UGT1A8: variants seen among roughly 807,000 people sequenced by gnomAD.
UGT1A8 encodes the protein UDP-glucuronosyltransferase 1A8.
UGT1A8 carries 39 observed loss-of-function variants against 45.3 expected under a neutral mutation model. The ratio of observed to expected loss-of-function variants is 0.86; its 90% CI spans 0.67 to 1.12. UGT1A8 has a LOEUF of 1.12. Among genes scored for constraint, UGT1A8 ranks in the 50% most tolerant of loss-of-function variants. The pLI is 0.00. For synonymous variants in UGT1A8, 275 were observed against 249.2 expected, an observed-to-expected ratio of 1.10 and a Z score of -0.97; for missense variants, 719 against 664.9, an observed-to-expected ratio of 1.08 and a Z score of -0.90.
chr2:233,655,993 G>A (rs1301133293), intron 1 of UGT1A8, among the ~76,000 whole-genome samples: 1 of 152,062 alleles, frequency 6.6e-6, no homozygotes, highest in Non-Finnish European at 1.5e-5. Context: ...CCTTCAAGGT[G>A]GCCATCTAGC....
At chr2:233,719,218 A>C (rs1197156994) in intron 1 of UGT1A8, 2 of 1,614,132 alleles carry the variant, frequency 1.2e-6, no homozygotes, top group Non-Finnish European at 1.7e-6. Context: ...GAGCTACTGC[A>C]TAATGAGGCC....
chr2:233,769,809 C>A lies in UGT1A8; in HGVS notation c.1295+1370C>A. On this transcript the variant is annotated intron_variant, in intron 4 of 4. Transcript: ENST00000373450. This position sits in a 1 kb window ranked among gnomAD's most constrained non-coding sequence, Gnocchi z 4.4. Reference sequence around the variant, plus strand: ...GTTGGAGGCTGCTATGAGCCGTGATCATGCCACTGCACTCCAGCAACCTGG... The same window carrying A: ...GTTGGAGGCTGCTATGAGCCGTGATAATGCCACTGCACTCCAGCAACCTGG... 4.2e-6 allele frequency: 4 copies of A among 962,960 alleles called. No homozygotes were observed. The highest frequency in any genetic ancestry group is 3.0e-5 in the East Asian group (1 of 33,100). 59.7% of individuals were successfully genotyped at this position (962,960 alleles called of 1,614,324 possible). A position where few individuals can be genotyped will look rare whatever the true frequency, so the allele number is the denominator to read the frequency against.
chr2:233,761,873 C>T (rs930936969), intron 1 of UGT1A8, among the ~76,000 whole-genome samples: 2 of 152,192 alleles, frequency 1.3e-5, no homozygotes, highest in South Asian at 2.1e-4. Flanking sequence ...TTTCAGAGAG[C>T]GTTCATTCAC....
rs4425071 is a variant in UGT1A8, at chr2:233,645,301, C to T, written c.855+26739C>T. 2.7e-3 allele frequency among the ~76,000 whole-genome samples: 408 copies of T among 152,232 alleles called. 1 individual carries two copies. Among genetic ancestry groups the T allele is most frequent in the African/African-American group, 9.1e-3 (380 of 41,538 alleles). ...AGTGGGAATTGTGGGAGTTACAATT[C>T]AAGATGAGATTTAGGTGGGGACACA... is the stretch of plus-strand genomic sequence containing the variant. On this transcript the variant is annotated intron_variant, in intron 1 of 4. Transcript: ENST00000373450.
chr2:233,702,192 C>G (rs1433115876), intron 1 of UGT1A8, among the ~76,000 whole-genome samples: 1 of 152,200 alleles, frequency 6.6e-6, no homozygotes. Context: ...CCTCCAGCCC[C>G]TGGCAGCCAT....
At position 233,674,775 on chromosome 2, in the gene UGT1A8, C is replaced by T. The variant is rs145036130; in HGVS notation, c.855+56213C>T. ...TTTATGACTATACGTGTAAAGCCAG[C>T]GGAGTTCTCACAGAGGAATTCAGAA... On this transcript the variant is annotated intron_variant, in intron 1 of 4. Transcript: ENST00000373450. Among the ~76,000 whole-genome samples the T allele has an allele frequency of 7.2e-5, 11 of 152,244 alleles. No individual in the cohort carries two copies. In the East Asian group the frequency reaches 9.6e-4, roughly 13 times the overall value.
intron 1 of UGT1A8, among the ~76,000 whole-genome samples, chr2:233,658,296 G>A (rs953738965): frequency 3.3e-5 from 5 of 152,160 alleles, no homozygotes; most frequent in African/African-American, 9.7e-5. Context: ...TGGGATTACA[G>A]GTGTGAGCAA....
intron 1 of UGT1A8, chr2:233,729,375 G>C: frequency 6.2e-7 from 1 of 1,614,010 alleles, no homozygotes; most frequent in Non-Finnish European, 8.5e-7. Context: ...ATGCCATTTC[G>C]TGGACCCAGG....
intron 1 of UGT1A8, among the ~76,000 whole-genome samples, chr2:233,642,887 ACTCTCTCT>A (rs143675434): frequency 9.1e-5 from 13 of 142,742 alleles, no homozygotes; most frequent in Admixed American, 3.5e-4. Flanking sequence ...TCTCTCTCTC[ACTCTCTCT>A]CTCTCTCTCT....
chr2:233,636,023 T>C (rs1159141066), intron 1 of UGT1A8, among the ~76,000 whole-genome samples: 1 of 150,842 alleles, frequency 6.6e-6, no homozygotes, highest in East Asian at 1.9e-4. Context: ...GAGATGCAGG[T>C]GAGCCCCAGT....
chr2:233,757,568 A>ATATATATATATATATATATATG, intron 1 of UGT1A8, among the ~76,000 whole-genome samples: 1 of 142,136 alleles, frequency 7.0e-6, no homozygotes, highest in Non-Finnish European at 1.5e-5. Context: ...ATATGTATAT[A>ATATATATATATATATATATATG]TGATATAGCT....
At chr2:233,619,749 C>T (rs1417609369) in intron 1 of UGT1A8, among the ~76,000 whole-genome samples, 1 of 151,924 alleles carries the variant, frequency 6.6e-6, no homozygotes, top group Non-Finnish European at 1.5e-5. Flanking sequence ...ATCTTGTATC[C>T]AGCCACATTA....
chr2:233,744,809 C>T (rs1203148811), intron 1 of UGT1A8, among the ~76,000 whole-genome samples: 1 of 151,860 alleles, frequency 6.6e-6, no homozygotes. Context: ...CCTAGGATTT[C>T]CTGGCTCATA....
At chr2:233,734,939 T>C (rs1485596557) in intron 1 of UGT1A8, among the ~76,000 whole-genome samples, 1 of 152,222 alleles carries the variant, frequency 6.6e-6, no homozygotes, top group Non-Finnish European at 1.5e-5. Flanking sequence ...TACAATCATA[T>C]GGTCAGTTTT....
intron 1 of UGT1A8, chr2:233,672,645 A>C (rs754009604): frequency 1.2e-6 from 2 of 1,613,786 alleles, no homozygotes; most frequent in East Asian, 2.2e-5. Context: ...TTCTCCAAAC[A>C]CCTGTTACGG....
intron 1 of UGT1A8, chr2:233,754,897 C>A: frequency 3.0e-6 from 4 of 1,351,174 alleles, no homozygotes; most frequent in South Asian, 1.1e-5. Flanking sequence ...TTCCTCTGAC[C>A]CCCCAAAATA....
chr2:233,687,583 TAAAAAAAAAAAAAAA>T (rs71398794), intron 1 of UGT1A8, among the ~76,000 whole-genome samples: 8 of 107,454 alleles, frequency 7.4e-5, no homozygotes, highest in Non-Finnish European at 5.7e-5. Flanking sequence ...ACATTCTTTG[TAAAAAAAAAAAAAAA>T]AAAAAAAAAG....
chr2:233,768,308 G>A lies in UGT1A8; in HGVS notation c.1164G>A (p.Met388Ile), dbSNP rs751355128. 5 of 1,614,188 alleles carry A rather than the reference G, an allele frequency of 3.1e-6. No homozygotes were observed. The highest frequency in any genetic ancestry group is 3.4e-6 in the Non-Finnish European group (4 of 1,180,050). Residue 388 changes from methionine to isoleucine, a missense_variant, in exon 4 of 5, where the codon ATG (methionine) becomes ATA (isoleucine). By Grantham distance (10) the Met-to-Ile change is conservative. Transcript: ENST00000373450. The stretch of plus-strand genomic sequence containing the variant: ...GCAATGGCGTTCCCATGGTGATGAT[G>A]CCCTTGTTTGGTGATCAGATGGACA... ...SICNGVPMVM[M>I]PLFGDQMDNA...
Position 233,772,257 on chromosome 2 carries a change from T to C in UGT1A8, c.1296-5T>C. ...CAGGCATAACGAAACTGTCTTTGTGTTTAGTTACAAGGAGAACATCATGCG... is the reference window on the plus strand; with the variant it reads ...CAGGCATAACGAAACTGTCTTTGTGCTTAGTTACAAGGAGAACATCATGCG... On this transcript the variant is annotated splice_polypyrimidine_tract_variant and splice_region_variant and intron_variant, in intron 4 of 4. Transcript: ENST00000373450. 2 of 1,614,220 alleles carry C rather than the reference T, an allele frequency of 1.2e-6. No individual in the cohort carries two copies. Among genetic ancestry groups the C allele is most frequent in the Non-Finnish European group, 1.7e-6 (2 of 1,180,042 alleles).
Sources: allele counts gnomAD v4.1 joint callset (sites outside exome capture counted in the v4.1 genomes callset), GRCh38; gene constraint gnomAD v4.1.1; non-coding constraint Gnocchi (gnomAD v3.1); transcripts MANE v1.5; gene names NCBI Gene and HGNC (gene_info 2026-07-23, HGNC 2026-07-21).